The following MS4A4E variants were observed in gnomAD, a reference collection of about 807,000 sequenced individuals.
MS4A4E encodes the protein putative membrane-spanning 4-domains subfamily A member 4E.
Under a neutral mutation model 13.3 loss-of-function variants are expected in MS4A4E, and 23 were observed. The observed-to-expected ratio is 1.73, with a 90% CI of 1.25 to 2.45. MS4A4E has a LOEUF of 2.45. Among genes scored for constraint, MS4A4E ranks in the 30% most tolerant of loss-of-function variants. MS4A4E has a pLI of 0.00. For synonymous variants in MS4A4E, 36 were observed against 45.6 expected, an observed-to-expected ratio of 0.79 and a Z score of 0.85; for missense variants, 144 against 131.2, an observed-to-expected ratio of 1.10 and a Z score of -0.48.
At chr11:60,206,489 G>GTATATATATATATGTATATATATATGTA (rs373196401) in intron 6 of MS4A4E, among the ~76,000 whole-genome samples, 5 of 97,564 alleles carry the variant, frequency 5.1e-5, no homozygotes, top group African/African-American at 9.0e-5. Flanking sequence ...ATATATATAT[G>GTATATATATATATGTATATATATATGTA]TATATATATA....
At chr11:60,216,021 C>A (rs1384635097) in intron 3 of MS4A4E, among the ~76,000 whole-genome samples, 1 of 152,072 alleles carries the variant, frequency 6.6e-6, no homozygotes, top group Non-Finnish European at 1.5e-5. Context: ...AGGAATAGAA[C>A]TGAAGAGGCC....
At chr11:60,216,492 A>T (rs1286224632) in intron 3 of MS4A4E, among the ~76,000 whole-genome samples, 1 of 152,108 alleles carries the variant, frequency 6.6e-6, no homozygotes, top group African/African-American at 2.4e-5. Flanking sequence ...CTCCCTCAAA[A>T]GTTTGTGGTG....
intron 3 of MS4A4E, among the ~76,000 whole-genome samples, chr11:60,218,933 T>C (rs1425282061): frequency 6.6e-6 from 1 of 152,218 alleles, no homozygotes; most frequent in Non-Finnish European, 1.5e-5. Flanking sequence ...GGATTCTGCA[T>C]TTAATGTTGC....
chr11:60,220,274 T>C (rs145500996), intron 3 of MS4A4E, among the ~76,000 whole-genome samples: 1 of 152,306 alleles, frequency 6.6e-6, no homozygotes, highest in African/African-American at 2.4e-5. Context: ...CTTAACCAAG[T>C]AGTGACTCCA....
At chr11:60,221,907 G>A (rs924295650) in intron 3 of MS4A4E, among the ~76,000 whole-genome samples, 1 of 152,212 alleles carries the variant, frequency 6.6e-6, no homozygotes, top group Admixed American at 6.5e-5. Context: ...ATGGACACCA[G>A]TCAGCCTCTT....
chr11:60,234,402 G>A (rs1282009343), intron 1 of MS4A4E, among the ~76,000 whole-genome samples: 2 of 152,188 alleles, frequency 1.3e-5, no homozygotes, highest in Non-Finnish European at 2.9e-5. Context: ...AATTGCCATT[G>A]TAACAGTTTT....
intron 1 of MS4A4E, among the ~76,000 whole-genome samples, chr11:60,242,718 G>A (rs1488627819): frequency 6.6e-6 from 1 of 152,218 alleles, no homozygotes; most frequent in African/African-American, 2.4e-5. Context: ...TCCAGTGTCA[G>A]CCTTTAGGAG....
chr11:60,234,882 T>A (rs192416136), intron 1 of MS4A4E, among the ~76,000 whole-genome samples: 2,337 of 145,384 alleles, frequency 0.016, 64 homozygotes, highest in African/African-American at 0.056. Context: ...TGGCTGAATT[T>A]AAAAAAAAAA....
At chr11:60,204,347 AG>A (rs1278937357) in intron 8 of MS4A4E, among the ~76,000 whole-genome samples, 2 of 151,898 alleles carry the variant, frequency 1.3e-5, no homozygotes, top group African/African-American at 4.8e-5. Context: ...GGAGATGCAA[AG>A]GATTTTGCTA....
chr11:60,232,318 CACA>C (rs2084421012), intron 1 of MS4A4E, among the ~76,000 whole-genome samples: 6 of 150,572 alleles, frequency 4.0e-5, no homozygotes, highest in African/African-American at 9.9e-5. Flanking sequence ...CACACACACA[CACA>C]CCAAAAATGA....
Position 60,229,996 on chromosome 11 carries a change from C to G in MS4A4E, c.60G>C (p.Gln20His). Residue 20 changes from glutamine (Q) to histidine (H), a missense_variant, in exon 2 of 9, where the codon CAG (glutamine) becomes CAC (histidine). Transcript: ENST00000651255. Reference sequence around the variant, plus strand: ...AATGTATGACATCTATGTTTCCCAGCTGGGGCACATCAGGGCCAGCCCCTG... The same window carrying G: ...AATGTATGACATCTATGTTTCCCAGGTGGGGCACATCAGGGCCAGCCCCTG... The part of the protein sequence containing the change: ...TTPGAGPDVP[Q>H]LGNIDVIHSY... 1.2e-6 allele frequency: 2 copies of G among 1,613,584 alleles called. No homozygotes were observed. The highest frequency in any genetic ancestry group is 1.7e-6 in the Non-Finnish European group (2 of 1,179,750).
intron 5 of MS4A4E, among the ~76,000 whole-genome samples, chr11:60,210,010 G>A (rs935796097): frequency 6.6e-6 from 1 of 152,164 alleles, no homozygotes; most frequent in African/African-American, 2.4e-5. Flanking sequence ...CTGTCTTCAA[G>A]GATTTTACCA....
At chr11:60,228,455 G>A (rs2084369474) in intron 3 of MS4A4E, 139 bp downstream of exon 3, 3 of 498,056 alleles carry the variant, frequency 6.0e-6, no homozygotes, top group Non-Finnish European at 3.5e-6. Flanking sequence ...TCAAATGCTA[G>A]CAATTATGTA....
chr11:60,204,602 A>G (rs2084018109), intron 8 of MS4A4E, among the ~76,000 whole-genome samples: 1 of 152,242 alleles, frequency 6.6e-6, no homozygotes, highest in Non-Finnish European at 1.5e-5. Context: ...TGCTGCAATC[A>G]GCAGCCATCA....
At chr11:60,238,599 C>T (rs933939033) in intron 1 of MS4A4E, among the ~76,000 whole-genome samples, 3 of 152,018 alleles carry the variant, frequency 2.0e-5, no homozygotes, top group Admixed American at 1.3e-4. Flanking sequence ...ATTTGTTGAT[C>T]GTTGCAAGAA....
chr11:60,240,293 CA>C (rs1185565759), intron 1 of MS4A4E, among the ~76,000 whole-genome samples: 2 of 152,178 alleles, frequency 1.3e-5, no homozygotes, highest in African/African-American at 4.8e-5. Flanking sequence ...TATGCTCCAT[CA>C]ATCATATTCT....
chr11:60,216,130 G>A (rs779061881), intron 3 of MS4A4E, among the ~76,000 whole-genome samples: 7 of 152,160 alleles, frequency 4.6e-5, no homozygotes, highest in African/African-American at 1.2e-4. Context: ...GGAAAAAAAG[G>A]TTGAAAGAAT....
intron 8 of MS4A4E, among the ~76,000 whole-genome samples, chr11:60,202,833 A>C (rs1035747583): frequency 6.6e-6 from 1 of 152,216 alleles, no homozygotes; most frequent in Admixed American, 6.5e-5. Context: ...ACAGTGGAAA[A>C]CTGTACTACA....
intron 8 of MS4A4E, among the ~76,000 whole-genome samples, chr11:60,203,514 C>T (rs1388071504): frequency 2.0e-5 from 3 of 152,078 alleles, no homozygotes; most frequent in Non-Finnish European, 4.4e-5. Context: ...TTTGGGAGGC[C>T]AAAGTGGGTG....
Sources: gnomAD v4.1 joint callset for allele counts (sites outside exome capture counted in the v4.1 genomes callset) on GRCh38, gnomAD v4.1.1 for gene constraint, MANE v1.5 for transcripts, NCBI Gene and HGNC (gene_info 2026-07-23, HGNC 2026-07-21) for gene names.